AUH: variants seen among roughly 807,000 people sequenced by gnomAD.
The protein encoded by AUH is methylglutaconyl-CoA hydratase, mitochondrial.
In AUH, 29 loss-of-function variants were observed where a neutral mutation model predicts 42.3. The observed-to-expected ratio is 0.69, with a 90% CI of 0.51 to 0.93. The LOEUF is 0.93. Among genes scored for constraint, AUH ranks in the 40% least tolerant of loss-of-function variants. The probability of loss-of-function intolerance (pLI) is 0.00; values close to 1 mark genes in which losing one functional copy is unlikely to be tolerated. For synonymous variants in AUH, 174 were observed against 166.4 expected, an observed-to-expected ratio of 1.05 and a Z score of -0.35; for missense variants, 452 against 438.1, an observed-to-expected ratio of 1.03 and a Z score of -0.28.
intron 3 of AUH, among the ~76,000 whole-genome samples, chr9:91,347,299 C>T (rs1419502016): frequency 6.6e-6 from 1 of 152,094 alleles, no homozygotes; most frequent in African/African-American, 2.4e-5. Flanking sequence ...TCAAGCCATC[C>T]ACCTGCCTCA....
intron 6 of AUH, among the ~76,000 whole-genome samples, chr9:91,238,424 T>G (rs894643884): frequency 6.6e-6 from 1 of 152,218 alleles, no homozygotes; most frequent in Non-Finnish European, 1.5e-5. Flanking sequence ...CTTGGCCATG[T>G]GTAGCTGGAG....
chr9:91,338,821 A>G (rs1404520698), intron 3 of AUH, among the ~76,000 whole-genome samples: 8 of 152,240 alleles, frequency 5.3e-5, no homozygotes, highest in Non-Finnish European at 8.8e-5. Flanking sequence ...AGACAGAAAC[A>G]TGAAGGATAA....
chr9:91,220,652 T>C (rs2131213780), intron 7 of AUH, among the ~76,000 whole-genome samples, 153 bp downstream of exon 7: 1 of 152,366 alleles, frequency 6.6e-6, no homozygotes. Context: ...GTGTTTATCT[T>C]GTGTAACTGC....
At chr9:91,287,891 T>C (rs186766298) in intron 6 of AUH, among the ~76,000 whole-genome samples, 8 of 152,250 alleles carry the variant, frequency 5.3e-5, no homozygotes, top group East Asian at 1.9e-4. Context: ...TGCTGAAATA[T>C]TGAAAGACTC....
intron 6 of AUH, among the ~76,000 whole-genome samples, chr9:91,232,058 G>C (rs1342950107): frequency 6.6e-6 from 1 of 152,190 alleles, no homozygotes; most frequent in Non-Finnish European, 1.5e-5. Context: ...TAATTAGCTT[G>C]ATTGACTCTT....
At chr9:91,326,752 G>A (rs1454952665) in intron 3 of AUH, among the ~76,000 whole-genome samples, 3 of 152,078 alleles carry the variant, frequency 2.0e-5, no homozygotes, top group African/African-American at 7.2e-5. Flanking sequence ...TGCTTAGGTT[G>A]GGTGGTGGGT....
At chr9:91,222,260 A>G (rs535461907) in intron 6 of AUH, among the ~76,000 whole-genome samples, 1 of 152,372 alleles carries the variant, frequency 6.6e-6, no homozygotes, top group South Asian at 2.1e-4. Context: ...AGACCACAAG[A>G]AGGCACATGT....
At chr9:91,337,584 C>G (rs894229017) in intron 3 of AUH, among the ~76,000 whole-genome samples, 1 of 152,140 alleles carries the variant, frequency 6.6e-6, no homozygotes, top group African/African-American at 2.4e-5. Flanking sequence ...ATATGGGGCC[C>G]AGAACTGAAG....
At chr9:91,279,006 A>C (rs1392606377) in intron 6 of AUH, among the ~76,000 whole-genome samples, 1 of 152,198 alleles carries the variant, frequency 6.6e-6, no homozygotes, top group Non-Finnish European at 1.5e-5. Flanking sequence ...AAAACTTTTA[A>C]GAGTTTTTTC....
In AUH at chr9:91,361,886, C is replaced by T; in HGVS notation, c.4G>A (p.Ala2Thr). 2.7e-6 allele frequency: 4 copies of T among 1,464,430 alleles called. No homozygotes were observed. Among genetic ancestry groups the T allele is most frequent in the Non-Finnish European group, 3.6e-6 (4 of 1,114,484 alleles). 90.7% of individuals were successfully genotyped at this position (1,464,430 alleles called of 1,614,324 possible). The change falls in exon 1 of 10, where the codon GCG becomes ACG. Residue 2 changes from alanine (A) to threonine (T), a missense_variant. Transcript: ENST00000375731. M[A>T]AAVAAAPGAL... ...CCAGGTGCCGCCGCCACCGCGGCCG[C>T]CATGTTGTCTGTTTACGGCGTGGAC...
intron 3 of AUH, among the ~76,000 whole-genome samples, chr9:91,348,157 T>C (rs1175650047): frequency 1.3e-5 from 2 of 151,544 alleles, no homozygotes; most frequent in Admixed American, 6.6e-5. Context: ...AAACAAGTCA[T>C]CAAAACAGAT....
chr9:91,253,854 T>C (rs1829266730), intron 6 of AUH, among the ~76,000 whole-genome samples: 1 of 152,246 alleles, frequency 6.6e-6, no homozygotes, highest in Non-Finnish European at 1.5e-5. Flanking sequence ...CAAGTAATTC[T>C]TCTGCATACA....
chr9:91,237,902 T>C (rs1053588116), intron 6 of AUH, among the ~76,000 whole-genome samples: 3 of 152,214 alleles, frequency 2.0e-5, no homozygotes, highest in Non-Finnish European at 2.9e-5. Flanking sequence ...TGATTTCATA[T>C]GGTATGTTCT....
chr9:91,331,559 C>T (rs1830325030), intron 3 of AUH, among the ~76,000 whole-genome samples: 1 of 152,160 alleles, frequency 6.6e-6, no homozygotes. Context: ...ACTGCAAACT[C>T]TTTTCATTTA....
At position 91,214,259 on chromosome 9, in the gene AUH, G is replaced by A. The variant is rs2131178709; in HGVS notation, c.*89C>T. ...TCTGCTCTTCACTTTGGTCATTAAG[G>A]TTCCATGTGCTGAGGCATATAGTGG... is the stretch of plus-strand genomic sequence containing the variant. On this transcript the variant is annotated 3_prime_UTR_variant, in exon 10 of 10. Transcript: ENST00000375731. 1 of 1,126,160 alleles carries A rather than the reference G, an allele frequency of 8.9e-7. No homozygotes were observed. Among genetic ancestry groups the A allele is most frequent in the Admixed American group, 2.0e-5 (1 of 51,140 alleles). 69.8% of individuals were successfully genotyped at this position (1,126,160 alleles called of 1,614,324 possible).
rs79009383 is a variant in AUH at position 91,265,925 on chromosome 9, C to A, written c.655+30096G>T. On this transcript the variant is annotated intron_variant, in intron 6 of 9. Coordinates refer to ENST00000375731, the MANE Select transcript of AUH (RefSeq NM_001698.3). ...CTCCTTTCCCGTTTTCTTTGGTATT[C>A]ATGTTTGTAATTATACCTTTTTTTT... is the stretch of plus-strand genomic sequence containing the variant. 9.0e-3 allele frequency among the ~76,000 whole-genome samples: 1,374 copies of A among 152,152 alleles called. 21 individuals are homozygous for A. Among genetic ancestry groups the A allele is most frequent in the East Asian group, 0.041 (214 of 5,178 alleles).
At chr9:91,256,720 A>G (rs193279378) in intron 6 of AUH, among the ~76,000 whole-genome samples, 5 of 152,094 alleles carry the variant, frequency 3.3e-5, no homozygotes, top group African/African-American at 1.2e-4. Flanking sequence ...TACTGAACCA[A>G]TGAAAAGAAA....
intron 6 of AUH, among the ~76,000 whole-genome samples, chr9:91,259,458 T>A (rs1829591018): frequency 6.6e-6 from 1 of 151,908 alleles, no homozygotes; most frequent in African/African-American, 2.4e-5. Flanking sequence ...TTTCAAAGAA[T>A]CAGCTTTGGT....
At chr9:91,302,043 T>A (rs534347327) in intron 4 of AUH, among the ~76,000 whole-genome samples, 13 of 152,312 alleles carry the variant, frequency 8.5e-5, no homozygotes, top group African/African-American at 2.9e-4. Context: ...ATCATCCTAA[T>A]TATTCCCTAA....
Sources: allele counts gnomAD v4.1 joint callset (sites outside exome capture counted in the v4.1 genomes callset), GRCh38; gene constraint gnomAD v4.1.1; transcripts MANE v1.5; gene names NCBI Gene and HGNC (gene_info 2026-07-23, HGNC 2026-07-21).